NIBAN1: variants seen among roughly 807,000 people sequenced by gnomAD.
NIBAN1 encodes the protein niban apoptosis regulator 1.
A neutral mutation model predicts 75.1 loss-of-function variants in NIBAN1; 81 were observed. The ratio of observed to expected loss-of-function variants is 1.08; its 90% confidence interval spans 0.90 to 1.30. The LOEUF (loss-of-function observed/expected upper bound fraction) is 1.30, where lower values mean the gene tolerates loss of function less well. Among genes scored for constraint, NIBAN1 ranks in the 50% most tolerant of loss-of-function variants. The pLI, the probability that NIBAN1 is intolerant of heterozygous loss-of-function variation, is 0.00. For missense variants in NIBAN1, 1,133 were observed against 1,128.1 expected, an observed-to-expected ratio of 1.00 and a Z score of -0.06; for synonymous variants, 436 against 424.8, an observed-to-expected ratio of 1.03 and a Z score of -0.32.
chr1:184,942,885 A>T (rs1206653245), intron 1 of NIBAN1, among the ~76,000 whole-genome samples: 1 of 152,120 alleles, frequency 6.6e-6, no homozygotes, highest in Non-Finnish European at 1.5e-5. Flanking sequence ...AGGGACCTCC[A>T]AGTGACTCGA....
Position 184,894,123 on chromosome 1 carries a change from G to A in NIBAN1, c.270C>T (p.Tyr90=), listed in dbSNP as rs752439687. The A allele has an allele frequency of 4.5e-5, 73 of 1,612,166 alleles. 1 individual carries two copies. The Admixed American group carries it at 7.7e-4, about 17-fold the overall frequency. ...SEDIKKWKER[Y]VVVKNDYAVE... is the part of the protein sequence containing the mutation. ...CAGCATAATCATTTTTAACTACAAC[G>A]TATCTCTCCTTCCACTTCTTTATGT... The change falls in exon 3 of 14, where the codon TAC becomes TAT. Residue 90 remains tyrosine, a synonymous_variant. Coordinates refer to ENST00000367511, the MANE Select transcript of NIBAN1 (RefSeq NM_052966.4).
chr1:184,843,358 G>GT (rs918212820), intron 5 of NIBAN1, among the ~76,000 whole-genome samples: 16 of 151,406 alleles, frequency 1.1e-4, no homozygotes, highest in African/African-American at 3.9e-4. Flanking sequence ...TTTACCATAA[G>GT]TTTTTTTTCA....
chr1:184,823,481 AAC>A, intron 7 of NIBAN1, 152 bp from the exon 8 acceptor site: 1 of 1,316,608 alleles, frequency 7.6e-7, no homozygotes, highest in Non-Finnish European at 1.0e-6. Context: ...GTCTGTTTGG[AAC>A]AGTCTTCTTG....
intron 6 of NIBAN1, 48 bp from the exon 7 acceptor site, chr1:184,823,790 A>G (rs566426024): frequency 6.6e-7 from 1 of 1,513,562 alleles, no homozygotes; most frequent in South Asian, 1.1e-5. Flanking sequence ...TGATGGCTAC[A>G]TCTGAGCATC....
intron 1 of NIBAN1, among the ~76,000 whole-genome samples, chr1:184,937,023 T>C (rs1657979116): frequency 6.6e-6 from 1 of 152,162 alleles, no homozygotes; most frequent in Non-Finnish European, 1.5e-5. Flanking sequence ...CTATGCTCCT[T>C]TCTTCCTTAT....
intron 1 of NIBAN1, among the ~76,000 whole-genome samples, chr1:184,955,421 C>A (rs893211634): frequency 6.7e-6 from 1 of 150,272 alleles, no homozygotes; most frequent in Non-Finnish European, 1.5e-5. Flanking sequence ...AGTGTGCAAC[C>A]TCTGTCTCCC....
intron 1 of NIBAN1, among the ~76,000 whole-genome samples, chr1:184,962,448 T>C (rs1658673928): frequency 1.3e-5 from 2 of 152,168 alleles, no homozygotes; most frequent in Admixed American, 1.3e-4. Context: ...TAAAAAGATA[T>C]ATTTTCCCTA....
At chr1:184,880,249 A>C (rs1397774234) in intron 5 of NIBAN1, among the ~76,000 whole-genome samples, 1 of 151,950 alleles carries the variant, frequency 6.6e-6, no homozygotes, top group Non-Finnish European at 1.5e-5. Flanking sequence ...GCCTTCCCTC[A>C]CTCTGGTGCA....
At chr1:184,855,619 C>T (rs1465833827) in intron 5 of NIBAN1, among the ~76,000 whole-genome samples, 4 of 152,170 alleles carry the variant, frequency 2.6e-5, no homozygotes, top group Non-Finnish European at 5.9e-5. Context: ...CCCCTTAGTC[C>T]ACTCTACTAT....
chr1:184,898,695 C>A (rs1038613544), intron 2 of NIBAN1, among the ~76,000 whole-genome samples: 1 of 152,164 alleles, frequency 6.6e-6, no homozygotes, highest in African/African-American at 2.4e-5. Context: ...TTGTTTATTA[C>A]CCGTTTCCTG....
rs1242373405 is a variant in NIBAN1 at position 184,871,361 on chromosome 1, A to AG, written c.601+13271_601+13272insC. On this transcript the variant is annotated intron_variant, in intron 5 of 13. Coordinates refer to ENST00000367511, the MANE Select transcript of NIBAN1 (RefSeq NM_052966.4). ...AAACTCTATCTCAAAAAAAAAAAAA[A>AG]AAAAAAAAAAAAGAGGAAAATGTGG... Among the ~76,000 whole-genome samples the AG allele has an allele frequency of 1.1e-3, 156 of 147,306 alleles. 6 individuals are homozygous for AG. Among genetic ancestry groups the AG allele is most frequent in the African/African-American group, 3.7e-3 (149 of 40,158 alleles).
At chr1:184,873,689 T>C (rs1305371008) in intron 5 of NIBAN1, among the ~76,000 whole-genome samples, 2 of 152,238 alleles carry the variant, frequency 1.3e-5, no homozygotes, top group Admixed American at 6.5e-5. Flanking sequence ...TTATTACTTT[T>C]GTTAAATTGG....
intron 1 of NIBAN1, among the ~76,000 whole-genome samples, chr1:184,909,907 A>C (rs1657197185): frequency 6.6e-6 from 1 of 152,198 alleles, no homozygotes; most frequent in Non-Finnish European, 1.5e-5. Context: ...AAACATTCCT[A>C]AGTAATGTAT....
intron 1 of NIBAN1, among the ~76,000 whole-genome samples, chr1:184,973,626 G>T (rs901855935): frequency 2.0e-5 from 3 of 152,128 alleles, no homozygotes; most frequent in African/African-American, 7.2e-5. Flanking sequence ...GCAGCCTCAC[G>T]CTCTCTACTG....
At chr1:184,874,305 C>T (rs1248541792) in intron 5 of NIBAN1, among the ~76,000 whole-genome samples, 1 of 151,610 alleles carries the variant, frequency 6.6e-6, no homozygotes, top group Non-Finnish European at 1.5e-5. Context: ...AGTAAATTTA[C>T]AAACAAAAAT....
At chr1:184,887,132 GTCAA>G (rs1235391336) in intron 4 of NIBAN1, among the ~76,000 whole-genome samples, 1 of 151,950 alleles carries the variant, frequency 6.6e-6, no homozygotes, top group Non-Finnish European at 1.5e-5. Context: ...AAATCAATCA[GTCAA>G]TCAATCAATC....
intron 12 of NIBAN1, among the ~76,000 whole-genome samples, chr1:184,800,099 A>G (rs1653992602): frequency 1.4e-5 from 2 of 142,560 alleles, no homozygotes; most frequent in African/African-American, 5.5e-5. Context: ...TTTGATTTGC[A>G]TTTCTCTGAT....
intron 1 of NIBAN1, among the ~76,000 whole-genome samples, chr1:184,969,654 G>A (rs2102093820): frequency 6.6e-6 from 1 of 151,838 alleles, no homozygotes; most frequent in Middle Eastern, 3.4e-3. Flanking sequence ...AATGGGGCTA[G>A]TGTCTCTGAA....
At chr1:184,884,161 A>C (rs1450090947) in intron 5 of NIBAN1, among the ~76,000 whole-genome samples, 1 of 150,348 alleles carries the variant, frequency 6.7e-6, no homozygotes, top group Admixed American at 6.6e-5. Context: ...TTGTGCACAG[A>C]ACTCTCCCTT....
Sources: gnomAD v4.1 joint callset for allele counts (sites outside exome capture counted in the v4.1 genomes callset) on GRCh38, gnomAD v4.1.1 for gene constraint, MANE v1.5 for transcripts, NCBI Gene and HGNC (gene_info 2026-07-23, HGNC 2026-07-21) for gene names.